The following DCP2 variants were observed in gnomAD, a reference collection of about 807,000 sequenced individuals.
DCP2 encodes decapping mRNA 2.
In DCP2, 30 loss-of-function variants were observed where a neutral mutation model predicts 56.1. That is an observed-to-expected ratio of 0.53 (90% CI 0.40 to 0.73). The LOEUF (loss-of-function observed/expected upper bound fraction) is 0.73, where lower values mean the gene tolerates loss of function less well. Ranked by LOEUF, DCP2 falls within the 30% of genes least tolerant of loss-of-function variation. The probability of loss-of-function intolerance (pLI) is 0.00; values close to 1 mark genes in which losing one functional copy is unlikely to be tolerated. For missense variants in DCP2, 533 were observed against 502.7 expected (o/e 1.06, Z -0.58); for synonymous variants, 197 against 163.3 (o/e 1.21, Z -1.57).
chr5:112,977,002 A>G lies in DCP2; in HGVS notation c.53+16A>G, dbSNP rs202084550. On this transcript the variant is annotated intron_variant, in intron 1 of 10. Transcript: ENST00000389063. ...ATCTCTGCAGGTACCGCGCTACCCG[A>G]CCCCCTTTCGCCCCCGTCGGGTTTT... The G allele has an allele frequency of 6.7e-7, 1 of 1,503,620 alleles. No homozygotes were observed. The highest frequency in any genetic ancestry group is 1.3e-5 in the South Asian group (1 of 79,000). The allele number at this position is 1,503,620 out of a possible 1,614,324, so 93.1% of individuals were successfully genotyped here.
intron 4 of DCP2, among the ~76,000 whole-genome samples, chr5:113,000,061 C>CAAAAAAAAAAAAAAAAAAAAAAAAAA (rs60251393): frequency 1.1e-5 from 1 of 89,956 alleles, no homozygotes. Context: ...AACTCCATCT[C>CAAAAAAAAAAAAAAAAAAAAAAAAAA]AAAAAAAAAA....
chr5:113,006,941 T>G (rs1160248260), intron 8 of DCP2, among the ~76,000 whole-genome samples: 3 of 152,080 alleles, frequency 2.0e-5, no homozygotes, highest in African/African-American at 7.2e-5. Flanking sequence ...GAAACCAGCT[T>G]GGCCAACAGG....
chr5:113,010,915 G>A, intron 10 of DCP2, 108 bp downstream of exon 10: 1 of 1,167,978 alleles, frequency 8.6e-7, no homozygotes, highest in Non-Finnish European at 1.2e-6. Flanking sequence ...TAAGCAGGAA[G>A]AGTTGCATAT....
At chr5:112,981,388 T>A (rs974500466) in intron 1 of DCP2, among the ~76,000 whole-genome samples, 15 of 152,188 alleles carry the variant, frequency 9.9e-5, no homozygotes, top group African/African-American at 3.4e-4. Flanking sequence ...TATGGTGAGA[T>A]GATTAGTGCC....
intron 4 of DCP2, among the ~76,000 whole-genome samples, chr5:112,998,525 G>C (rs538350130): frequency 2.0e-5 from 3 of 152,102 alleles, no homozygotes; most frequent in Non-Finnish European, 4.4e-5. Flanking sequence ...TGCTGCTTGC[G>C]TTATTCATTA....
chr5:113,004,164 G>A, intron 8 of DCP2, 87 bp downstream of exon 8: 1 of 1,446,258 alleles, frequency 6.9e-7, no homozygotes, highest in Non-Finnish European at 9.4e-7. Context: ...CATCTTAATA[G>A]TTACAGAGAG....
intron 8 of DCP2, 98 bp from the exon 9 acceptor site, chr5:113,007,840 A>C: frequency 9.4e-7 from 1 of 1,067,092 alleles, no homozygotes; most frequent in African/African-American, 1.6e-5. Flanking sequence ...GCTTTGCTAA[A>C]AACTTGGTTC....
Position 113,013,454 on chromosome 5 carries a change from T to C in DCP2, c.1233T>C (p.His411=), listed in dbSNP as rs1453814570. 2.5e-6 allele frequency: 4 copies of C among 1,614,120 alleles called. No homozygotes were observed. The African/African-American group carries it at 4.0e-5, about 16-fold the overall frequency. Residue 411 remains histidine, a synonymous_variant, in exon 11 of 11, where the codon CAT becomes CAC. Transcript: ENST00000389063. ...CCTTTTTGAGTTTCAAGTTTGACCA[T>C]AATGCTATAATGAAAATCTTGGACC... ...SRAFLSFKFD[H]NAIMKILDL
At chr5:113,007,845 T>G in intron 8 of DCP2, 93 bp from the exon 9 acceptor site, 1 of 1,114,100 alleles carries the variant, frequency 9.0e-7, no homozygotes, top group Non-Finnish European at 1.3e-6. Context: ...GCTAAAAACT[T>G]GGTTCAACCA....
chr5:113,000,506 AC>A (rs1455252429), intron 4 of DCP2, among the ~76,000 whole-genome samples: 2 of 152,142 alleles, frequency 1.3e-5, no homozygotes, highest in Non-Finnish European at 2.9e-5. Flanking sequence ...TGATAGGTAA[AC>A]TTTTAAGTAA....
At chr5:112,998,426 T>A (rs1196757553) in intron 4 of DCP2, among the ~76,000 whole-genome samples, 1 of 152,220 alleles carries the variant, frequency 6.6e-6, no homozygotes, top group South Asian at 2.1e-4. Context: ...AGACGTCTAC[T>A]AAAGGCTGAG....
chr5:113,004,228 G>C, intron 8 of DCP2, 151 bp downstream of exon 8: 1 of 890,802 alleles, frequency 1.1e-6, no homozygotes, highest in Non-Finnish European at 1.7e-6. Context: ...TTGAAGCAGG[G>C]CTGAGGCTTC....
intron 2 of DCP2, among the ~76,000 whole-genome samples, chr5:112,991,648 G>A (rs556497753): frequency 3.9e-5 from 6 of 152,196 alleles, no homozygotes; most frequent in African/African-American, 9.6e-5. Context: ...TGATGTGATA[G>A]TTTCTTTCTC....
intron 1 of DCP2, chr5:112,984,047 A>C (rs1481812249): frequency 6.6e-6 from 1 of 152,178 alleles, no homozygotes; most frequent in Non-Finnish European, 1.5e-5. Context: ...AAGACACATG[A>C]CCTCTGTGGG....
chr5:112,984,483 A>C (rs1282881035), intron 1 of DCP2: 1 of 151,910 alleles, frequency 6.6e-6, no homozygotes, highest in African/African-American at 2.4e-5. Flanking sequence ...GCTGACAACC[A>C]GCCATCATTT....
intron 1 of DCP2, chr5:112,984,280 C>T (rs1475210546): frequency 6.6e-6 from 1 of 152,030 alleles, no homozygotes; most frequent in Non-Finnish European, 1.5e-5. Context: ...TCAGAATATC[C>T]AAAAAGGAGC....
chr5:112,987,270 G>T (rs573703974), intron 2 of DCP2, among the ~76,000 whole-genome samples: 1 of 152,158 alleles, frequency 6.6e-6, no homozygotes, highest in African/African-American at 2.4e-5. Context: ...AGTGGGGAAT[G>T]TGTTTTAGGT....
At chr5:112,988,498 A>AAG (rs1177305043) in intron 2 of DCP2, among the ~76,000 whole-genome samples, 1 of 149,258 alleles carries the variant, frequency 6.7e-6, no homozygotes, top group Non-Finnish European at 1.5e-5. Flanking sequence ...TCTTAATAAA[A>AAG]AAAAAAAAAA....
At chr5:112,992,036 C>G (rs952936630) in intron 2 of DCP2, 85 bp from the exon 3 acceptor site, 16 of 1,535,878 alleles carry the variant, frequency 1.0e-5, no homozygotes, top group South Asian at 9.6e-5. Context: ...ATGAAATACA[C>G]TATTGATTTA....
Sources: gnomAD v4.1 joint callset for allele counts (sites outside exome capture counted in the v4.1 genomes callset) on GRCh38, gnomAD v4.1.1 for gene constraint, MANE v1.5 for transcripts, NCBI Gene and HGNC (gene_info 2026-07-23, HGNC 2026-07-21) for gene names.